Variants in ASAH1 observed in about 807,000 individuals in gnomAD.
ASAH1 encodes the protein N-acylsphingosine amidohydrolase 1, also known as acid ceramidase.
ASAH1 carries 70 observed loss-of-function variants against 59.5 expected under a neutral mutation model. The ratio of observed to expected loss-of-function variants is 1.18; its 90% CI spans 0.97 to 1.43. ASAH1 has a LOEUF of 1.43. ASAH1 is among the 40% of genes most tolerant of loss of function. ASAH1 has a pLI of 0.00. For synonymous variants in ASAH1, 213 were observed against 166.5 expected, an observed-to-expected ratio of 1.28 and a Z score of -2.15; for missense variants, 660 against 482.5, an observed-to-expected ratio of 1.37 and a Z score of -3.45.
intron 8 of ASAH1, 194 bp downstream of exon 8, chr8:18,062,085 G>A: frequency 1.4e-6 from 1 of 722,808 alleles, no homozygotes; most frequent in Non-Finnish European, 2.2e-6. Context: ...CCCAGAAGAG[G>A]CTCAGAAACC....
chr8:18,075,185 C>T (rs546953522), intron 2 of ASAH1, among the ~76,000 whole-genome samples: 134 of 151,956 alleles, frequency 8.8e-4, no homozygotes, highest in Admixed American at 1.9e-3. Context: ...TTAGTAGAGA[C>T]GGGGTTTCAC....
chr8:18,084,244 GA>G, upstream of ASAH1: 1 of 1,466,254 alleles, frequency 6.8e-7, no homozygotes, highest in Non-Finnish European at 9.0e-7. Flanking sequence ...TCAGTGCCAC[GA>G]AAAGGGTGGC....
Position 18,069,880 on chromosome 8 carries a change from T to A in ASAH1, c.217-2A>T. The stretch of plus-strand genomic sequence containing the variant: ...CAGAGAATTCACTATAACCTTTAGC[T>A]GAAAAATAAATAAAATGCTTACTAA... On this transcript the variant is annotated splice_acceptor_variant, in intron 3 of 13. Coordinates refer to ENST00000637790, the MANE Select transcript of ASAH1 (RefSeq NM_177924.5). LOFTEE classifies it high-confidence loss of function. 1 of 1,567,444 alleles carries A rather than the reference T, an allele frequency of 6.4e-7. No homozygotes were observed. The highest frequency in any genetic ancestry group is 8.8e-7 in the Non-Finnish European group (1 of 1,142,400).
In ASAH1 at chr8:18,084,106, A is replaced by G; in HGVS notation, c.-48T>C. ...CCCCGGACTCCAGCAGAGGCAAAGAAGAGCCGGCTGGGCCGGGGGCAGGCC... is the reference window on the plus strand; with the variant it reads ...CCCCGGACTCCAGCAGAGGCAAAGAGGAGCCGGCTGGGCCGGGGGCAGGCC... On this transcript the variant is annotated 5_prime_UTR_variant, in exon 1 of 14. Coordinates refer to ENST00000637790, the MANE Select transcript of ASAH1 (RefSeq NM_177924.5). The G allele has an allele frequency of 1.9e-6, 3 of 1,594,130 alleles. No homozygotes were observed. Among genetic ancestry groups the G allele is most frequent in the Non-Finnish European group, 2.5e-6 (3 of 1,177,946 alleles).
intron 1 of ASAH1, 51 bp downstream of exon 1, chr8:18,083,930 C>G (rs777817819): frequency 1.3e-6 from 2 of 1,569,078 alleles, no homozygotes; most frequent in East Asian, 4.6e-5. Flanking sequence ...CGCCTCCATC[C>G]GCGCCCGCAC....
intron 1 of ASAH1, chr8:18,076,376 C>G (rs1289943764): frequency 6.6e-6 from 1 of 152,268 alleles, no homozygotes; most frequent in Non-Finnish European, 1.5e-5. Flanking sequence ...CTCTGCGCTC[C>G]TTGAGGTGAG....
In ASAH1 at chr8:18,056,612, T is replaced by A. The variant is rs1346628086; in HGVS notation, c.*922A>T. ...TAGTACTTTTCATAAGCAGTTTGATTTCTGAAAAATACAGTAACATAATTT... is the reference window on the plus strand; with the variant it reads ...TAGTACTTTTCATAAGCAGTTTGATATCTGAAAAATACAGTAACATAATTT... On this transcript the variant is annotated 3_prime_UTR_variant, in exon 14 of 14. Coordinates refer to ENST00000637790, the MANE Select transcript of ASAH1 (RefSeq NM_177924.5). The A allele has an allele frequency of 1.3e-5, 2 of 152,236 alleles. No homozygotes were observed. The highest frequency in any genetic ancestry group is 2.9e-5 in the Non-Finnish European group (2 of 68,044). The allele number at this position is 152,236 out of a possible 1,614,324, so 9.4% of individuals were successfully genotyped here.
upstream of ASAH1, chr8:18,084,504 A>C: frequency 3.0e-6 from 4 of 1,346,416 alleles, no homozygotes; most frequent in Non-Finnish European, 4.0e-6. Context: ...AAAGAGTCTC[A>C]ACACTAATGT....
intron 1 of ASAH1, 99 bp from the exon 2 acceptor site, chr8:18,075,686 CT>C: frequency 1.9e-6 from 2 of 1,073,056 alleles, no homozygotes; most frequent in Non-Finnish European, 2.9e-6. Flanking sequence ...AACATCAAGT[CT>C]GATATTGCTC....
chr8:18,079,645 A>T (rs915331759), intron 1 of ASAH1, among the ~76,000 whole-genome samples: 2 of 152,180 alleles, frequency 1.3e-5, no homozygotes, highest in African/African-American at 4.8e-5. Flanking sequence ...AATACTCAGA[A>T]AGAGACAATG....
At chr8:18,068,875 CAACACTTTGGGAG>C (rs1588988524) in intron 4 of ASAH1, among the ~76,000 whole-genome samples, 1 of 152,164 alleles carries the variant, frequency 6.6e-6, no homozygotes, top group Non-Finnish European at 1.5e-5. Flanking sequence ...CCTACGATCC[CAACACTTTGGGAG>C]AACACTTTGG....
At position 18,060,850 on chromosome 8, in the gene ASAH1, G is replaced by A. The variant is rs530634367; in HGVS notation, c.785+527C>T. ...GCAGTCTCGACCTCCTTGGGCTCAG[G>A]TGATCCTCCCACCTCAGCCTCCTGA... On this transcript the variant is annotated intron_variant, in intron 10 of 13. Coordinates refer to ENST00000637790, the MANE Select transcript of ASAH1 (RefSeq NM_177924.5). 5.5e-5 allele frequency: 9 copies of A among 165,128 alleles called. No individual in the cohort carries two copies. In the South Asian group the frequency reaches 1.2e-3, roughly 23 times the overall value. The allele number at this position is 165,128 out of a possible 1,614,324, so 10.2% of individuals were successfully genotyped here. A position where few individuals can be genotyped will look rare whatever the true frequency, so the allele number is the denominator to read the frequency against.
intron 5 of ASAH1, 37 bp from the exon 6 acceptor site, chr8:18,064,568 C>A (rs763228453): frequency 2.6e-6 from 3 of 1,170,398 alleles, no homozygotes; most frequent in South Asian, 1.3e-5. Flanking sequence ...ATATACAGAA[C>A]CATGACAATG....
chr8:18,069,206 A>C (rs1193367752), intron 4 of ASAH1, among the ~76,000 whole-genome samples: 2 of 152,006 alleles, frequency 1.3e-5, no homozygotes, highest in African/African-American at 4.8e-5. Flanking sequence ...TCTGCCATCA[A>C]GAGCAATGAG....
At chr8:18,066,067 T>G (rs1369139501) in intron 5 of ASAH1, 1 of 151,712 alleles carries the variant, frequency 6.6e-6, no homozygotes, top group Non-Finnish European at 1.5e-5. Flanking sequence ...CAAAAATAAT[T>G]CAAAATAGAT....
At position 18,061,368 on chromosome 8, in the gene ASAH1, A is replaced by G. The variant is rs746599592; in HGVS notation, c.785+9T>C. ...AAATATTTAATAGTAAAGCAACGAA[A>G]CACTTTACCTTGTGCTATTTTCCAG... On this transcript the variant is annotated intron_variant, in intron 10 of 13. Transcript: ENST00000637790. 11 of 1,601,988 alleles carry G rather than the reference A, an allele frequency of 6.9e-6. No homozygotes were observed. In the Admixed American group the frequency reaches 1.8e-4, roughly 27 times the overall value.
Position 18,061,079 on chromosome 8 carries a change from AC to A in ASAH1, c.785+297del, listed in dbSNP as rs145735433. The A allele has an allele frequency of 1.9e-3, 583 of 308,030 alleles. 6 individuals are homozygous for A. The East Asian group carries it at 0.026, about 14-fold the overall frequency. The allele number at this position is 308,030 out of a possible 1,614,324, so 19.1% of individuals were successfully genotyped here. A position where few individuals can be genotyped will look rare whatever the true frequency, so the allele number is the denominator to read the frequency against. On this transcript the variant is annotated intron_variant, in intron 10 of 13. Transcript: ENST00000637790. ...GTACTACCATTTAAATGAAGATTTTACTGTATGACTGTTCTTTTGTGTGTGG... is the reference window on the plus strand; with the variant it reads ...GTACTACCATTTAAATGAAGATTTTATGTATGACTGTTCTTTTGTGTGTGG...
At chr8:18,064,764 G>A (rs1305002137) in intron 5 of ASAH1, 7 of 478,830 alleles carry the variant, frequency 1.5e-5, no homozygotes, top group Middle Eastern at 5.4e-4. Context: ...ATCTGGGCAG[G>A]TTGCAATTGT....
intron 10 of ASAH1, 81 bp downstream of exon 10, chr8:18,061,296 T>A (rs2117024457): frequency 8.1e-7 from 1 of 1,241,404 alleles, no homozygotes; most frequent in African/African-American, 1.5e-5. Flanking sequence ...AGGATTAAGC[T>A]GGAGCTTGAC....
Sources: allele counts gnomAD v4.1 joint callset (sites outside exome capture counted in the v4.1 genomes callset), GRCh38; gene constraint gnomAD v4.1.1; transcripts MANE v1.5; gene names NCBI Gene and HGNC (gene_info 2026-07-23, HGNC 2026-07-21).